AKAP6: variants seen among roughly 807,000 people sequenced by gnomAD.
The protein encoded by AKAP6 is A-kinase anchoring protein 6.
Under a neutral mutation model 188.5 loss-of-function variants are expected in AKAP6, and 58 were observed. The ratio of observed to expected loss-of-function variants is 0.31; its 90% CI spans 0.25 to 0.38. The LOEUF is 0.38. Among genes scored for constraint, AKAP6 ranks in the 10% least tolerant of loss-of-function variants. The probability of loss-of-function intolerance (pLI) is 1.00; values close to 1 mark genes in which losing one functional copy is unlikely to be tolerated. For missense variants in AKAP6, 2,710 were observed against 2,740.0 expected (o/e 0.99, Z 0.24); for synonymous variants, 989 against 998.6 (o/e 0.99, Z 0.18).
chr14:32,762,125 C>T (rs960832216), intron 11 of AKAP6, among the ~76,000 whole-genome samples: 2 of 152,004 alleles, frequency 1.3e-5, no homozygotes, highest in African/African-American at 2.4e-5. Context: ...TATCCAGCAC[C>T]TTTTTCCCCC....
chr14:32,803,287 AAAAAC>A (rs1311015232), intron 12 of AKAP6, among the ~76,000 whole-genome samples: 3 of 138,476 alleles, frequency 2.2e-5, no homozygotes, highest in Non-Finnish European at 5.0e-5. Context: ...CTATAAAAAA[AAAAAC>A]AAAACAAATA....
At chr14:32,584,031 C>T (rs1285864012) in intron 5 of AKAP6, among the ~76,000 whole-genome samples, 1 of 152,192 alleles carries the variant, frequency 6.6e-6, no homozygotes, top group Admixed American at 6.5e-5. Context: ...GAACCCGGTG[C>T]CTCAGATGGA....
chr14:32,648,524 T>C lies in AKAP6; in HGVS notation c.2731-29787T>C, dbSNP rs1412414496. Among the ~76,000 whole-genome samples the C allele has an allele frequency of 8.5e-5, 13 of 152,294 alleles. 2 individuals are homozygous for C. The South Asian group carries it at 2.3e-3, about 27-fold the overall frequency. ...TGTCATTATCAGCTCTGATGTTTAG[T>C]GAAAATGGTTTCCAATTGCCTAGAT... On this transcript the variant is annotated intron_variant, in intron 7 of 13. Transcript: ENST00000280979.
chr14:32,768,333 G>A (rs2032781682), intron 11 of AKAP6, among the ~76,000 whole-genome samples: 1 of 152,150 alleles, frequency 6.6e-6, no homozygotes, highest in Non-Finnish European at 1.5e-5. Flanking sequence ...CTTTCTGGGA[G>A]CAGAGTTTCT....
At chr14:32,495,069 A>T (rs1458151796) in intron 2 of AKAP6, 1 of 152,244 alleles carries the variant, frequency 6.6e-6, no homozygotes, top group African/African-American at 2.4e-5. Context: ...AATTCCACTT[A>T]GCAGTCTGGG....
intron 9 of AKAP6, among the ~76,000 whole-genome samples, chr14:32,700,079 C>G (rs559701988): frequency 1.3e-5 from 2 of 152,292 alleles, no homozygotes; most frequent in South Asian, 4.1e-4. Flanking sequence ...GACACCTCCT[C>G]CCCCATTCTC....
At chr14:32,782,630 AT>A (rs1453079010) in intron 12 of AKAP6, among the ~76,000 whole-genome samples, 2 of 152,182 alleles carry the variant, frequency 1.3e-5, no homozygotes, top group African/African-American at 2.4e-5. Context: ...ATAAATTGAA[AT>A]TTTTAAACAT....
At chr14:32,615,167 C>CAAAAAAAAATAAAAA (rs1886512157) in intron 7 of AKAP6, among the ~76,000 whole-genome samples, 1 of 53,506 alleles carries the variant, frequency 1.9e-5, no homozygotes, top group Non-Finnish European at 3.2e-5. Context: ...GACTCTGTCT[C>CAAAAAAAAATAAAAA]AAAAAAAAAA....
chr14:32,685,671 C>G (rs867916426), intron 8 of AKAP6, among the ~76,000 whole-genome samples: 5 of 146,790 alleles, frequency 3.4e-5, no homozygotes, highest in Admixed American at 2.1e-4. Context: ...TTGCAGTGAG[C>G]CAATATCCAT....
chr14:32,545,678 A>C lies in AKAP6; in HGVS notation c.1025A>C (p.Glu342Ala). Residue 342 changes from glutamate to alanine, a missense_variant, in exon 4 of 14, where the codon GAG (glutamate) becomes GCG (alanine). Coordinates refer to ENST00000280979, the MANE Select transcript of AKAP6 (RefSeq NM_004274.5). ...ALTNAAQPSS[E>A]TVQQESSSSS... is the part of the protein sequence containing the mutation. ...ACAAATGCTGCTCAACCCTCCTCTG[A>C]GACTGTGCAGCAAGAATCCAGTTCC... 6.2e-7 allele frequency: 1 copy of C among 1,614,190 alleles called. No individual in the cohort carries two copies. Among genetic ancestry groups the C allele is most frequent in the Non-Finnish European group, 8.5e-7 (1 of 1,180,030 alleles).
chr14:32,435,742 T>C (rs1227966123), intron 2 of AKAP6, among the ~76,000 whole-genome samples: 1 of 152,212 alleles, frequency 6.6e-6, no homozygotes, highest in African/African-American at 2.4e-5. Flanking sequence ...CTATCATGAC[T>C]TTTCGGGGTA....
intron 4 of AKAP6, among the ~76,000 whole-genome samples, chr14:32,558,181 G>A (rs1883772665): frequency 6.6e-6 from 1 of 152,192 alleles, no homozygotes. Flanking sequence ...AAGGATCACA[G>A]ATTGAACATG....
intron 7 of AKAP6, among the ~76,000 whole-genome samples, chr14:32,636,115 A>G (rs1008400024): frequency 1.3e-5 from 2 of 152,132 alleles, no homozygotes; most frequent in African/African-American, 4.8e-5. Context: ...CGTGCTCCCT[A>G]TTATACATTT....
intron 2 of AKAP6, among the ~76,000 whole-genome samples, chr14:32,465,334 A>C (rs1284261728): frequency 6.6e-6 from 1 of 151,724 alleles, no homozygotes; most frequent in Non-Finnish European, 1.5e-5. Context: ...CCTGACTTCA[A>C]ACTATACTAC....
chr14:32,544,367 A>G (rs1686398476), intron 3 of AKAP6, among the ~76,000 whole-genome samples: 1 of 152,246 alleles, frequency 6.6e-6, no homozygotes, highest in South Asian at 2.1e-4. Flanking sequence ...TGTTGTATGA[A>G]ATCAGAAACT....
intron 12 of AKAP6, among the ~76,000 whole-genome samples, chr14:32,786,919 C>G (rs1229927554): frequency 6.6e-6 from 1 of 152,080 alleles, no homozygotes; most frequent in East Asian, 1.9e-4. Context: ...CTCTGGCACT[C>G]CAGAACTCCA....
intron 1 of AKAP6, among the ~76,000 whole-genome samples, chr14:32,369,616 C>T (rs898798767): frequency 2.6e-5 from 4 of 152,192 alleles, no homozygotes; most frequent in African/African-American, 4.8e-5. Context: ...TTATTAAATT[C>T]ATTTAAAGAA....
intron 1 of AKAP6, among the ~76,000 whole-genome samples, chr14:32,386,188 T>C (rs971277905): frequency 5.9e-5 from 9 of 152,052 alleles, no homozygotes; most frequent in African/African-American, 2.2e-4. Context: ...CCACACTGTT[T>C]TTCAGAGTGG....
At chr14:32,712,160 T>C (rs2029904629) in intron 9 of AKAP6, among the ~76,000 whole-genome samples, 1 of 152,036 alleles carries the variant, frequency 6.6e-6, no homozygotes, top group Non-Finnish European at 1.5e-5. Context: ...GTGAATCTTT[T>C]GGTTTCGCAG....
Sources: gnomAD v4.1 joint callset for allele counts (sites outside exome capture counted in the v4.1 genomes callset) on GRCh38, gnomAD v4.1.1 for gene constraint, MANE v1.5 for transcripts, NCBI Gene and HGNC (gene_info 2026-07-23, HGNC 2026-07-21) for gene names.